Variants in MRPL42 observed in about 807,000 individuals in gnomAD.
MRPL42 encodes the protein large ribosomal subunit protein mL42.
In MRPL42, 17 loss-of-function variants were observed where a neutral mutation model predicts 17.9. The observed-to-expected ratio is 0.95, with a 90% CI of 0.65 to 1.42. The LOEUF (loss-of-function observed/expected upper bound fraction) is 1.42. Ranked by LOEUF, MRPL42 falls within the 40% of genes most tolerant of loss-of-function variation. MRPL42 has a pLI of 0.00. For synonymous variants in MRPL42, 59 were observed against 54.4 expected, an observed-to-expected ratio of 1.08 and a Z score of -0.37; for missense variants, 177 against 175.2, an observed-to-expected ratio of 1.01 and a Z score of -0.06.
Position 93,516,192 on chromosome 12 carries a change from A to T in MRPL42, c.*14971A>T, listed in dbSNP as rs1399059764. ...TGTGTTCTTCTTTGCTGCAATGAGT[A>T]ATAAACTCAACTTGTTTAACTAGAG... On this transcript the variant is annotated 3_prime_UTR_variant, in exon 6 of 6. Transcript: ENST00000549982. 6.6e-6 allele frequency: 1 copy of T among 152,214 alleles called. No individual in the cohort carries two copies. Among genetic ancestry groups the T allele is most frequent in the African/African-American group, 2.4e-5 (1 of 41,438 alleles). 9.4% of individuals were successfully genotyped at this position (152,214 alleles called of 1,614,324 possible). A position where few individuals can be genotyped will look rare whatever the true frequency, so the allele number is the denominator to read the frequency against.
chr12:93,484,421 T>C (rs1369818834), intron 4 of MRPL42, among the ~76,000 whole-genome samples: 1 of 152,084 alleles, frequency 6.6e-6, no homozygotes, highest in African/African-American at 2.4e-5. Context: ...TGCTATACTT[T>C]TATACAGCTG....
chr12:93,501,055 G>A (rs1486712382), intron 5 of MRPL42, 121 bp from the exon 6 acceptor site: 10 of 687,364 alleles, frequency 1.5e-5, no homozygotes, highest in Admixed American at 4.2e-5. Context: ...TGGCTGATAC[G>A]TAGTTTCATT....
rs7298121 is a variant in MRPL42 at position 93,509,474 on chromosome 12, A to G, written c.*8253A>G. The G allele has an allele frequency of 0.67, 101,670 of 151,596 alleles. 34,332 individuals carry two copies. The highest frequency in any genetic ancestry group is 0.72 in the Middle Eastern group (211 of 292). The allele number at this position is 151,596 out of a possible 1,614,324, so 9.4% of individuals were successfully genotyped here. A position where few individuals can be genotyped will look rare whatever the true frequency, so the allele number is the denominator to read the frequency against. ...GCTCTTTTTTTTTTCTTAGCACTTA[A>G]AAAAGACTTTTTGCCAGGCACAGTG... On this transcript the variant is annotated 3_prime_UTR_variant, in exon 6 of 6. Coordinates refer to ENST00000549982, the MANE Select transcript of MRPL42 (RefSeq NM_014050.4).
At chr12:93,477,919 TC>T (rs1204322851) in intron 3 of MRPL42, among the ~76,000 whole-genome samples, 1 of 152,038 alleles carries the variant, frequency 6.6e-6, no homozygotes, top group African/African-American at 2.4e-5. Flanking sequence ...CACCTGGGCC[TC>T]CCAAAATGCT....
chr12:93,510,235 T>C lies in MRPL42; in HGVS notation c.*9014T>C, dbSNP rs1953713725. The C allele has an allele frequency of 6.6e-6, 1 of 152,242 alleles. No homozygotes were observed. The highest frequency in any genetic ancestry group is 2.4e-5 in the African/African-American group (1 of 41,454). The allele number at this position is 152,242 out of a possible 1,614,324, so 9.4% of individuals were successfully genotyped here. ...CACATTGGTTTCTTTCACTGGATAA[T>C]ATGCATTTGTTTCCTCTATGTCTTT... On this transcript the variant is annotated 3_prime_UTR_variant, in exon 6 of 6. Transcript: ENST00000549982.
rs1953771969 is a variant in MRPL42, at chr12:93,515,583, G to A, written c.*14362G>A. The A allele has an allele frequency of 6.6e-6, 1 of 152,156 alleles. No individual in the cohort carries two copies. The highest frequency in any genetic ancestry group is 1.5e-5 in the Non-Finnish European group (1 of 68,060). 9.4% of individuals were successfully genotyped at this position (152,156 alleles called of 1,614,324 possible). A position where few individuals can be genotyped will look rare whatever the true frequency, so the allele number is the denominator to read the frequency against. On this transcript the variant is annotated 3_prime_UTR_variant, in exon 6 of 6. Transcript: ENST00000549982. ...GGAGTTTCGCCATTCTGGCCAGGCT[G>A]GTCTCGAGCTCCTGACCTCAAGTGA...
At position 93,502,619 on chromosome 12, in the gene MRPL42, A is replaced by G. The variant is rs56865136; in HGVS notation, c.*1398A>G. On this transcript the variant is annotated 3_prime_UTR_variant, in exon 6 of 6. Coordinates refer to ENST00000549982, the MANE Select transcript of MRPL42 (RefSeq NM_014050.4). ...AAATTTCATTTGGAAAGATTAAAAAAACAAGTTTGATTGAACTTGATAAAT... is the reference window on the plus strand; with the variant it reads ...AAATTTCATTTGGAAAGATTAAAAAGACAAGTTTGATTGAACTTGATAAAT... The G allele has an allele frequency of 5.0e-4, 76 of 152,312 alleles. No individual in the cohort carries two copies. Among genetic ancestry groups the G allele is most frequent in the African/African-American group, 1.7e-3 (69 of 41,580 alleles). The allele number at this position is 152,312 out of a possible 1,614,324, so 9.4% of individuals were successfully genotyped here. A position where few individuals can be genotyped will look rare whatever the true frequency, so the allele number is the denominator to read the frequency against.
intron 5 of MRPL42, among the ~76,000 whole-genome samples, chr12:93,497,384 G>T (rs1224341773): frequency 1.3e-5 from 2 of 152,170 alleles, no homozygotes; most frequent in African/African-American, 4.8e-5. Context: ...AATTCACCAT[G>T]ATCAAGCAGG....
At chr12:93,487,247 G>A (rs1316582001) in intron 4 of MRPL42, among the ~76,000 whole-genome samples, 1 of 152,202 alleles carries the variant, frequency 6.6e-6, no homozygotes, top group African/African-American at 2.4e-5. Flanking sequence ...ACAGGCATGA[G>A]CCACTCACTG....
At chr12:93,481,298 C>T (rs964486235) in intron 4 of MRPL42, among the ~76,000 whole-genome samples, 2 of 152,180 alleles carry the variant, frequency 1.3e-5, no homozygotes, top group Non-Finnish European at 2.9e-5. Context: ...ACCCTGGAGA[C>T]GTTACTTCCC....
chr12:93,479,326 A>AG, intron 3 of MRPL42, 62 bp from the exon 4 acceptor site: 1 of 1,303,660 alleles, frequency 7.7e-7, no homozygotes, highest in Non-Finnish European at 1.1e-6. Context: ...AAAAAAAAAA[A>AG]AAGGTAATCA....
chr12:93,496,737 A>C (rs1280569617), intron 5 of MRPL42, among the ~76,000 whole-genome samples: 5 of 150,840 alleles, frequency 3.3e-5, no homozygotes, highest in Non-Finnish European at 7.4e-5. Flanking sequence ...TAAAAGTAAT[A>C]CAGAAATGAC....
rs989976394 is a variant in MRPL42 at position 93,505,066 on chromosome 12, T to C, written c.*3845T>C. 1.3e-5 allele frequency: 2 copies of C among 152,204 alleles called. No homozygotes were observed. Among genetic ancestry groups the C allele is most frequent in the African/African-American group, 4.8e-5 (2 of 41,446 alleles). The allele number at this position is 152,204 out of a possible 1,614,324, so 9.4% of individuals were successfully genotyped here. On this transcript the variant is annotated 3_prime_UTR_variant, in exon 6 of 6. Coordinates refer to ENST00000549982, the MANE Select transcript of MRPL42 (RefSeq NM_014050.4). Reference sequence around the variant, plus strand: ...GAAATTCCTGAAATTGTGTAGAATTTTGAGAATATGTGTTTTCCTGGGGAT... The same window carrying C: ...GAAATTCCTGAAATTGTGTAGAATTCTGAGAATATGTGTTTTCCTGGGGAT...
At chr12:93,495,280 T>G (rs924126565) in intron 5 of MRPL42, among the ~76,000 whole-genome samples, 6 of 152,196 alleles carry the variant, frequency 3.9e-5, no homozygotes. Flanking sequence ...GAAGATTATA[T>G]TAGAAGGAAT....
Position 93,514,359 on chromosome 12 carries a change from A to C in MRPL42, c.*13138A>C, listed in dbSNP as rs1592796010. 1 of 125,296 alleles carries C rather than the reference A, an allele frequency of 8.0e-6. No homozygotes were observed. Among genetic ancestry groups the C allele is most frequent in the African/African-American group, 3.1e-5 (1 of 32,548 alleles). 7.8% of individuals were successfully genotyped at this position (125,296 alleles called of 1,614,324 possible). A position where few individuals can be genotyped will look rare whatever the true frequency, so the allele number is the denominator to read the frequency against. ...TCAATCTCGGTTCATTGCAACCTCC[A>C]CCTCCCAAGCTCAAGCGATTCTTGT... On this transcript the variant is annotated 3_prime_UTR_variant, in exon 6 of 6. Transcript: ENST00000549982.
chr12:93,484,979 C>CATATATATATATAT (rs4020795), intron 4 of MRPL42, among the ~76,000 whole-genome samples: 2 of 22,472 alleles, frequency 8.9e-5, no homozygotes, highest in Non-Finnish European at 2.1e-4. Flanking sequence ...CACACACACA[C>CATATATATATATAT]ATATATATAT....
intron 3 of MRPL42, among the ~76,000 whole-genome samples, chr12:93,478,164 C>T (rs1158073738): frequency 6.6e-6 from 1 of 151,972 alleles, no homozygotes; most frequent in Non-Finnish European, 1.5e-5. Flanking sequence ...CCATGTTGCC[C>T]AGGCTGGTCT....
chr12:93,489,779 G>GC (rs533701792), intron 5 of MRPL42, among the ~76,000 whole-genome samples: 3,058 of 152,210 alleles, frequency 0.02, 99 homozygotes, highest in African/African-American at 0.07. Flanking sequence ...CAGGTGATCT[G>GC]CCCCACTTGG....
At chr12:93,491,057 T>C (rs1953402087) in intron 5 of MRPL42, among the ~76,000 whole-genome samples, 1 of 151,582 alleles carries the variant, frequency 6.6e-6, no homozygotes, top group Non-Finnish European at 1.5e-5. Context: ...TGCCTGGCTG[T>C]TTTTTGTATT....
Sources: gnomAD v4.1 joint callset for allele counts (sites outside exome capture counted in the v4.1 genomes callset) on GRCh38, gnomAD v4.1.1 for gene constraint, MANE v1.5 for transcripts, NCBI Gene and HGNC (gene_info 2026-07-23, HGNC 2026-07-21) for gene names.